IFT122: variants seen among roughly 807,000 people sequenced by gnomAD.
IFT122 encodes the protein intraflagellar transport protein 122 homolog.
A neutral mutation model predicts 161.6 loss-of-function variants in IFT122; 118 were observed. The ratio of observed to expected loss-of-function variants is 0.73; its 90% confidence interval spans 0.63 to 0.85. The LOEUF (loss-of-function observed/expected upper bound fraction) is 0.85. IFT122 is among the 40% of genes least tolerant of loss of function. IFT122 has a pLI of 0.00. For synonymous variants in IFT122, 550 were observed against 602.4 expected, an observed-to-expected ratio of 0.91 and a Z score of 1.27; for missense variants, 1,381 against 1,579.6, an observed-to-expected ratio of 0.87 and a Z score of 2.13.
intron 26 of IFT122, among the ~76,000 whole-genome samples, chr3:129,516,176 C>T (rs1225872016): frequency 6.7e-6 from 1 of 149,930 alleles, no homozygotes; most frequent in Non-Finnish European, 1.5e-5. Context: ...CCTGCACACA[C>T]ACACACAGAA....
intron 18 of IFT122, among the ~76,000 whole-genome samples, chr3:129,498,325 C>G (rs1365668598): frequency 6.6e-6 from 1 of 152,216 alleles, no homozygotes; most frequent in East Asian, 1.9e-4. Flanking sequence ...CCTAAGATGC[C>G]TGTTTTCCTC....
At chr3:129,440,397 A>G (rs1015751380) in intron 1 of IFT122, 26 bp downstream of exon 1, 26 of 1,549,898 alleles carry the variant, frequency 1.7e-5, no homozygotes, top group Non-Finnish European at 2.2e-5. Context: ...GTTCGCGAAG[A>G]GCAGGAGGTC....
At chr3:129,476,266 T>G (rs2077939414) in intron 9 of IFT122, 49 bp from the exon 10 acceptor site, 1 of 1,603,848 alleles carries the variant, frequency 6.2e-7, no homozygotes. Context: ...TTGCAATGGT[T>G]ATGGATTCGG....
intron 9 of IFT122, among the ~76,000 whole-genome samples, chr3:129,472,171 G>A (rs763854055): frequency 4.6e-5 from 7 of 152,030 alleles, no homozygotes; most frequent in Admixed American, 2.6e-4. Context: ...TTTACTTTTT[G>A]AGAAAAGGCC....
chr3:129,462,820 G>T (rs2076332368), intron 5 of IFT122, among the ~76,000 whole-genome samples: 1 of 152,026 alleles, frequency 6.6e-6, no homozygotes, highest in Non-Finnish European at 1.5e-5. Flanking sequence ...ATCTGGGACA[G>T]GGGGGAGCAA....
At chr3:129,515,445 C>T (rs752679437) in intron 25 of IFT122, 43 bp from the exon 26 acceptor site, 4 of 1,159,044 alleles carry the variant, frequency 3.5e-6, no homozygotes, top group Non-Finnish European at 5.0e-6. Context: ...GAGGAGGACA[C>T]GTGCCTGCCC....
Position 129,504,403 on chromosome 3 carries a change from T to A in IFT122, c.2632T>A (p.Phe878Ile). The change falls in exon 21 of 30, where the codon TTT becomes ATT. Residue 878 changes from phenylalanine (F) to isoleucine (I), a missense_variant. Physicochemically the swap from Phe to Ile is conservative, Grantham distance 21. This residue lies in a region of IFT122 where 496 missense variants were observed against 502.5 expected (regional missense o/e 0.99). Transcript: ENST00000348417. ...TCAGTGGCTAGCAGAGAACGATCGC[T>A]TTGAGGAAGCCCAGAAAGGTAGGCA... ...YAQWLAENDR[F>I]EEAQKAFHKA... 6.2e-7 allele frequency: 1 copy of A among 1,613,932 alleles called. No individual in the cohort carries two copies. Among genetic ancestry groups the A allele is most frequent in the South Asian group, 1.1e-5 (1 of 91,076 alleles).
chr3:129,441,845 A>G (rs1420192559), intron 1 of IFT122, among the ~76,000 whole-genome samples: 2 of 152,228 alleles, frequency 1.3e-5, no homozygotes, highest in Non-Finnish European at 2.9e-5. Flanking sequence ...TAACTTTATT[A>G]TAAACGTACC....
Position 129,500,040 on chromosome 3 carries a change from A to G in IFT122, c.2347A>G (p.Ile783Val). 1.9e-6 allele frequency: 3 copies of G among 1,614,162 alleles called. No homozygotes were observed. Among genetic ancestry groups the G allele is most frequent in the Non-Finnish European group, 2.5e-6 (3 of 1,180,030 alleles). ...AGGAGAGCACGTCAAGGCCATCGAG[A>G]TCTGTGGTGACCATGGCTGGGTTGA... ...SAGEHVKAIEICGDHGWVDML... is the reference protein window; with the variant it reads ...SAGEHVKAIEVCGDHGWVDML... Residue 783 changes from isoleucine to valine, a missense_variant, in exon 19 of 30, where the codon ATC (isoleucine) becomes GTC (valine). By Grantham distance (29) the Ile-to-Val change is conservative. Around this residue, in one of 7 missense-constraint regions of IFT122, gnomAD observed 496 missense variants for 502.5 expected, o/e 0.99. Coordinates refer to ENST00000348417, the MANE Select transcript of IFT122 (RefSeq NM_052989.3).
chr3:129,469,405 G>A lies in IFT122; in HGVS notation c.804G>A (p.Leu268=). Residue 268 remains leucine (L), a synonymous_variant, in exon 9 of 30, where the codon CTG becomes CTA. Coordinates refer to ENST00000348417, the MANE Select transcript of IFT122 (RefSeq NM_052989.3). ...DWGQKVSFYQ[L]SGKQIGKDRA... is the part of the protein sequence containing the mutation. Reference sequence around the variant, plus strand: ...GACAGAAAGTTTCCTTCTACCAGCTGAGTGGAAAACAGGTATGTAGCCCTG... The same window carrying A: ...GACAGAAAGTTTCCTTCTACCAGCTAAGTGGAAAACAGGTATGTAGCCCTG... 1.2e-6 allele frequency: 2 copies of A among 1,613,740 alleles called. No homozygotes were observed. The highest frequency in any genetic ancestry group is 1.7e-6 in the Non-Finnish European group (2 of 1,179,742).
chr3:129,462,493 G>A (rs552113622), intron 5 of IFT122, among the ~76,000 whole-genome samples: 1 of 152,298 alleles, frequency 6.6e-6, no homozygotes, highest in South Asian at 2.1e-4. Context: ...CCAGGGCTTG[G>A]ACTTTAGACC....
chr3:129,446,288 G>C (rs1022159278), intron 1 of IFT122, among the ~76,000 whole-genome samples: 16 of 151,154 alleles, frequency 1.1e-4, no homozygotes, highest in African/African-American at 3.9e-4. Flanking sequence ...GTAGTGGCGC[G>C]ATCTCAGCTC....
Position 129,519,594 on chromosome 3 carries a change from G to A in IFT122, c.3498G>A (p.Val1166=). Residue 1166 remains valine (V), a synonymous_variant, in exon 29 of 30, where the codon GTG becomes GTA. Transcript: ENST00000348417. ...AAGGTGGCTCAGAGTTCGTGCCAGT[G>A]GTGGTGAGCCGGCTGGTGCTGCGCT... ...FEQGGSEFVP[V]VVSRLVLRSM... The A allele has an allele frequency of 6.2e-7, 1 of 1,613,670 alleles. No homozygotes were observed. The highest frequency in any genetic ancestry group is 8.5e-7 in the Non-Finnish European group (1 of 1,180,018).
chr3:129,478,328 G>A, intron 12 of IFT122, 110 bp downstream of exon 12: 4 of 886,018 alleles, frequency 4.5e-6, no homozygotes, highest in Non-Finnish European at 7.3e-6. Context: ...AAACAAGTCT[G>A]TTCCATCAAA....
chr3:129,483,792 C>G (rs2078949811), intron 15 of IFT122, 110 bp downstream of exon 15: 7 of 1,174,278 alleles, frequency 6.0e-6, no homozygotes, highest in Non-Finnish European at 8.7e-6. Context: ...AGAAGAATGG[C>G]AGCTGTGAGG....
At position 129,478,059 on chromosome 3, in the gene IFT122, C is replaced by T. The variant is rs776308050; in HGVS notation, c.1191C>T (p.Tyr397=). Residue 397 remains tyrosine (Y), a synonymous_variant, in exon 12 of 30, where the codon TAC becomes TAT. Transcript: ENST00000348417. ...CKELVKKIAI[Y]RNRLAIQLPE... is the part of the protein sequence containing the mutation. ...AGCTTGTCAAGAAGATTGCCATCTA[C>T]AGAAATCGATTGGCTATCCAACTGC... 2 of 1,614,162 alleles carry T rather than the reference C, an allele frequency of 1.2e-6. No individual in the cohort carries two copies. Among genetic ancestry groups the T allele is most frequent in the South Asian group, 2.2e-5 (2 of 91,080 alleles).
intron 8 of IFT122, 147 bp downstream of exon 8, chr3:129,467,213 A>G (rs2076901543): frequency 1.4e-6 from 1 of 693,668 alleles, no homozygotes; most frequent in African/African-American, 1.8e-5. Flanking sequence ...AAAAGGAGAC[A>G]TACCCTTAAA....
At chr3:129,505,644 T>C (rs2082116216) in intron 21 of IFT122, among the ~76,000 whole-genome samples, 1 of 152,218 alleles carries the variant, frequency 6.6e-6, no homozygotes, top group African/African-American at 2.4e-5. Flanking sequence ...TTGAGTGCTC[T>C]CATATGGCAA....
In IFT122 at chr3:129,477,999, A is replaced by T; in HGVS notation, c.1148-17A>T. On this transcript the variant is annotated splice_polypyrimidine_tract_variant and intron_variant, in intron 11 of 29. Coordinates refer to ENST00000348417, the MANE Select transcript of IFT122 (RefSeq NM_052989.3). ...TAACAACCTCTTGCTAGAACTAGAT[A>T]TTTTTTTCTTTGACAGTTCGGATTA... is the stretch of plus-strand genomic sequence containing the variant. The T allele has an allele frequency of 3.1e-6, 5 of 1,610,212 alleles. No individual in the cohort carries two copies. The highest frequency in any genetic ancestry group is 4.2e-6 in the Non-Finnish European group (5 of 1,176,512).
Sources: gnomAD v4.1 joint callset for allele counts (sites outside exome capture counted in the v4.1 genomes callset) on GRCh38, gnomAD v4.1.1 for gene constraint, gnomAD v4.1.1 regional missense constraint, MANE v1.5 for transcripts, NCBI Gene and HGNC (gene_info 2026-07-23, HGNC 2026-07-21) for gene names.